Variants in OGA observed in about 807,000 individuals in gnomAD.
The protein encoded by OGA is protein O-GlcNAcase.
OGA carries 21 observed loss-of-function variants against 102.0 expected under a neutral mutation model. That is an observed-to-expected ratio of 0.21 (90% CI 0.15 to 0.30). OGA has a LOEUF of 0.30. OGA is among the 10% of genes least tolerant of loss of function. OGA has a pLI of 1.00. For missense variants in OGA, 765 were observed against 1,107.8 expected, an observed-to-expected ratio of 0.69 and a Z score of 4.39; for synonymous variants, 408 against 378.2, an observed-to-expected ratio of 1.08 and a Z score of -0.91.
In OGA at chr10:101,794,135, A is replaced by G. The variant is rs367914351; in HGVS notation, c.1985-137T>C. ...CAGGGTTTCAGGGCAAGGCTATGAT[A>G]ATAATTATTATTTTTTAAAATGTTA... On this transcript the variant is annotated intron_variant, in intron 10 of 15. Coordinates refer to ENST00000361464, the MANE Select transcript of OGA (RefSeq NM_012215.5). The G allele has an allele frequency of 1.3e-5, 7 of 548,110 alleles. No individual in the cohort carries two copies. The East Asian group carries it at 1.5e-4, about 12-fold the overall frequency. 34.0% of individuals were successfully genotyped at this position (548,110 alleles called of 1,614,324 possible).
intron 14 of OGA, among the ~76,000 whole-genome samples, chr10:101,789,450 A>G (rs1183040031): frequency 1.3e-5 from 2 of 152,154 alleles, no homozygotes; most frequent in Non-Finnish European, 2.9e-5. Context: ...GTGAGCCAAG[A>G]TTGCGTCACT....
intron 4 of OGA, among the ~76,000 whole-genome samples, chr10:101,809,386 GCT>G (rs957933094): frequency 6.6e-6 from 1 of 152,082 alleles, no homozygotes; most frequent in African/African-American, 2.4e-5. Flanking sequence ...CTCCAGTAAA[GCT>G]CTTTTTACTT....
chr10:101,799,390 G>A lies in OGA; in HGVS notation c.1261C>T (p.Pro421Ser), dbSNP rs181917652. Reference sequence around the variant, plus strand: ...ACTACGGTTGTGGCATTTAAAGAGGGTGCTGCAACTAAAGGAGTCCCATCA... The same window carrying A: ...ACTACGGTTGTGGCATTTAAAGAGGATGCTGCAACTAAAGGAGTCCCATCA... ...VVDGTPLVAA[P>S]SLNATTVVTT... The change falls in exon 9 of 16, where the codon CCC becomes TCC. Residue 421 changes from proline (P) to serine (S), a missense_variant. This residue lies in a region of OGA where 281 missense variants were observed against 345.8 expected (regional missense o/e 0.81). Transcript: ENST00000361464. 31 of 1,614,096 alleles carry A rather than the reference G, an allele frequency of 1.9e-5. No homozygotes were observed. The East Asian group carries it at 6.9e-4, about 36-fold the overall frequency.
At chr10:101,816,166 G>A (rs1042815718) in intron 1 of OGA, among the ~76,000 whole-genome samples, 1 of 152,110 alleles carries the variant, frequency 6.6e-6, no homozygotes, top group Non-Finnish European at 1.5e-5. Context: ...GGGAGGGTGA[G>A]GGAGGAGAAT....
intron 1 of OGA, among the ~76,000 whole-genome samples, 158 bp from the exon 2 acceptor site, chr10:101,813,764 T>C (rs2065587164): frequency 6.6e-6 from 1 of 152,252 alleles, no homozygotes; most frequent in Admixed American, 6.5e-5. Flanking sequence ...AAGGTTCCTT[T>C]AATCTTTGGG....
At position 101,785,427 on chromosome 10, in the gene OGA, A is replaced by G. The variant is rs1232225301; in HGVS notation, c.*1024T>C. 1 of 152,644 alleles carries G rather than the reference A, an allele frequency of 6.6e-6. No individual in the cohort carries two copies. Among genetic ancestry groups the G allele is most frequent in the African/African-American group, 2.4e-5 (1 of 41,460 alleles). 9.5% of individuals were successfully genotyped at this position (152,644 alleles called of 1,614,324 possible). ...ACTGACCTGAGGGCAAATGGGACCAATCAGTCCCTGAACCCTACCTGACAT... is the reference window on the plus strand; with the variant it reads ...ACTGACCTGAGGGCAAATGGGACCAGTCAGTCCCTGAACCCTACCTGACAT... On this transcript the variant is annotated 3_prime_UTR_variant, in exon 16 of 16. Transcript: ENST00000361464.
chr10:101,806,960 A>C (rs1490110780), intron 5 of OGA, among the ~76,000 whole-genome samples: 1 of 152,174 alleles, frequency 6.6e-6, no homozygotes, highest in Non-Finnish European at 1.5e-5. Context: ...TAAATAAATA[A>C]TACAAACTTA....
Position 101,818,319 on chromosome 10 carries a change from AG to A in OGA, c.-298del. 2 of 1,196,022 alleles carry A rather than the reference AG, an allele frequency of 1.7e-6. No homozygotes were observed. Among genetic ancestry groups the A allele is most frequent in the Middle Eastern group, 3.4e-4 (1 of 2,972 alleles). 74.1% of individuals were successfully genotyped at this position (1,196,022 alleles called of 1,614,324 possible). A position where few individuals can be genotyped will look rare whatever the true frequency, so the allele number is the denominator to read the frequency against. The stretch of plus-strand genomic sequence containing the variant: ...CTCGTTCCCTGGAAGAAGACGGCCA[AG>A]GGTCCTGTCCTCGTTCTCTGCCTCT... On this transcript the variant is annotated 5_prime_UTR_variant, in exon 1 of 16. Coordinates refer to ENST00000361464, the MANE Select transcript of OGA (RefSeq NM_012215.5).
At chr10:101,795,741 C>CT (rs2135043872) in intron 10 of OGA, 1 of 234,252 alleles carries the variant, frequency 4.3e-6, no homozygotes, top group South Asian at 1.5e-4. Context: ...TTTGGCTTCC[C>CT]TGGGCCACAC....
chr10:101,814,270 G>A (rs1296516963), intron 1 of OGA, among the ~76,000 whole-genome samples: 1 of 152,112 alleles, frequency 6.6e-6, no homozygotes, highest in Non-Finnish European at 1.5e-5. Flanking sequence ...CGGACTTGCA[G>A]TGAGCCGAGA....
chr10:101,788,130 T>TA (rs529209574), intron 14 of OGA, among the ~76,000 whole-genome samples: 3,269 of 106,662 alleles, frequency 0.031, 94 homozygotes, highest in African/African-American at 0.083. Flanking sequence ...GACTCTGTCT[T>TA]AAAAAAAAAA....
intron 14 of OGA, among the ~76,000 whole-genome samples, chr10:101,790,438 A>G (rs772599572): frequency 1.7e-4 from 26 of 151,824 alleles, no homozygotes; most frequent in African/African-American, 4.8e-5. Context: ...ACACCCAGCT[A>G]ATTTTTTTTT....
chr10:101,810,062 A>C, intron 4 of OGA, 122 bp downstream of exon 4: 12 of 1,082,762 alleles, frequency 1.1e-5, no homozygotes, highest in Non-Finnish European at 1.6e-5. Context: ...CAAAACAAAC[A>C]AACAAAAAAA....
Position 101,818,392 on chromosome 10 carries a change from C to G in OGA, c.-370G>C. 2 of 1,031,812 alleles carry G rather than the reference C, an allele frequency of 1.9e-6. No homozygotes were observed. The highest frequency in any genetic ancestry group is 2.3e-6 in the Non-Finnish European group (2 of 859,096). The allele number at this position is 1,031,812 out of a possible 1,614,324, so 63.9% of individuals were successfully genotyped here. On this transcript the variant is annotated 5_prime_UTR_variant, in exon 1 of 16. Transcript: ENST00000361464. ...GGTCTTCCGCTGTTTCCCCTCCAAG[C>G]CCCGAGCTCTCCCTCTGCTGCTGCC...
intron 6 of OGA, 55 bp from the exon 7 acceptor site, chr10:101,804,074 T>C (rs1446074258): frequency 5.3e-6 from 8 of 1,505,178 alleles, no homozygotes; most frequent in African/African-American, 2.8e-5. Context: ...GCTAGACGCA[T>C]TGGCTCATAA....
chr10:101,817,517 A>C (rs2065650442), intron 1 of OGA, among the ~76,000 whole-genome samples: 1 of 152,130 alleles, frequency 6.6e-6, no homozygotes, highest in South Asian at 2.1e-4. Context: ...CCAAGGTACA[A>C]AGAAGTAGAA....
chr10:101,804,400 G>T (rs1257410075), intron 6 of OGA, among the ~76,000 whole-genome samples: 1 of 151,428 alleles, frequency 6.6e-6, no homozygotes, highest in Non-Finnish European at 1.5e-5. Flanking sequence ...AGCCTCCTGA[G>T]TAGCTGGGAC....
At chr10:101,805,177 C>CAG (rs1318440672) in intron 6 of OGA, among the ~76,000 whole-genome samples, 1 of 152,144 alleles carries the variant, frequency 6.6e-6, no homozygotes, top group East Asian at 1.9e-4. Context: ...GCTGGGACTA[C>CAG]AGGTGTGCAC....
Position 101,788,892 on chromosome 10 carries a change from A to G in OGA, c.2455-1369T>C, listed in dbSNP as rs1472871378. Among the ~76,000 whole-genome samples the G allele has an allele frequency of 3.9e-5, 6 of 152,370 alleles. No homozygotes were observed. In the South Asian group the frequency reaches 1.0e-3, roughly 26 times the overall value. ...GACTTCACCAATACAGAAAATGGATAAGGAGTATACAGAAACTCTGTTTTA... is the reference window on the plus strand; with the variant it reads ...GACTTCACCAATACAGAAAATGGATGAGGAGTATACAGAAACTCTGTTTTA... On this transcript the variant is annotated intron_variant, in intron 14 of 15. Coordinates refer to ENST00000361464, the MANE Select transcript of OGA (RefSeq NM_012215.5).
Sources: gnomAD v4.1 joint callset for allele counts (sites outside exome capture counted in the v4.1 genomes callset) on GRCh38, gnomAD v4.1.1 for gene constraint, gnomAD v4.1.1 regional missense constraint, MANE v1.5 for transcripts, NCBI Gene and HGNC (gene_info 2026-07-23, HGNC 2026-07-21) for gene names.